NRG3: variants seen among roughly 807,000 people sequenced by gnomAD.
NRG3 encodes neuregulin 3.
A neutral mutation model predicts 66.9 loss-of-function variants in NRG3; 31 were observed. The ratio of observed to expected loss-of-function variants is 0.46; its 90% CI spans 0.35 to 0.63. The LOEUF (loss-of-function observed/expected upper bound fraction) is 0.63. Among genes scored for constraint, NRG3 ranks in the 20% least tolerant of loss-of-function variants. The probability of loss-of-function intolerance (pLI) is 0.00; values close to 1 mark genes in which losing one functional copy is unlikely to be tolerated. For synonymous variants in NRG3, 393 were observed against 359.4 expected, an observed-to-expected ratio of 1.09 and a Z score of -1.06; for missense variants, 910 against 878.9, an observed-to-expected ratio of 1.04 and a Z score of -0.45.
intron 4 of NRG3, among the ~76,000 whole-genome samples, chr10:82,920,260 A>G (rs1448178376): frequency 3.3e-5 from 5 of 152,192 alleles, no homozygotes; most frequent in Admixed American, 2.6e-4. Context: ...ACAGTTCTGA[A>G]ATCATATCAT....
chr10:82,110,881 A>G (rs966674807), intron 1 of NRG3, among the ~76,000 whole-genome samples: 6 of 152,154 alleles, frequency 3.9e-5, no homozygotes, highest in African/African-American at 1.4e-4. Flanking sequence ...TTGTTATTGA[A>G]AGCCATTAAA....
chr10:82,157,623 C>G (rs767106767), intron 1 of NRG3, among the ~76,000 whole-genome samples: 9 of 151,396 alleles, frequency 5.9e-5, no homozygotes, highest in Non-Finnish European at 1.0e-4. Context: ...TCAGGAAAGT[C>G]TGTAAGGGAG....
intron 1 of NRG3, among the ~76,000 whole-genome samples, chr10:81,987,137 G>C (rs1228016410): frequency 6.6e-6 from 1 of 151,978 alleles, no homozygotes; most frequent in African/African-American, 2.4e-5. Context: ...GCCTAGGCTG[G>C]AGTGCAGTGA....
At chr10:82,502,216 G>A (rs1179725092) in intron 2 of NRG3, among the ~76,000 whole-genome samples, 4 of 152,146 alleles carry the variant, frequency 2.6e-5, no homozygotes, top group Non-Finnish European at 4.4e-5. Flanking sequence ...AGTCTCTAGA[G>A]TGAGCTTGCC....
chr10:82,575,150 G>A (rs546036281), intron 2 of NRG3, among the ~76,000 whole-genome samples: 3 of 151,748 alleles, frequency 2.0e-5, no homozygotes, highest in South Asian at 2.1e-4. Context: ...CAATGCATAC[G>A]TATTTTACAA....
chr10:81,878,460 A>C (rs1841882749), intron 1 of NRG3, among the ~76,000 whole-genome samples: 1 of 152,212 alleles, frequency 6.6e-6, no homozygotes, highest in Non-Finnish European at 1.5e-5. Flanking sequence ...GGTGACTTGA[A>C]GAAAGAGGAT....
chr10:82,189,465 G>A (rs1314753712), intron 1 of NRG3, among the ~76,000 whole-genome samples: 1 of 151,692 alleles, frequency 6.6e-6, no homozygotes, highest in African/African-American at 2.4e-5. Context: ...AAACCAGCCT[G>A]GCCAACATGA....
At chr10:82,759,815 A>C (rs1487427330) in intron 3 of NRG3, among the ~76,000 whole-genome samples, 1 of 152,176 alleles carries the variant, frequency 6.6e-6, no homozygotes, top group Non-Finnish European at 1.5e-5. Flanking sequence ...CACTCAAAAA[A>C]TTGAAATCCA....
At chr10:82,602,438 A>G (rs2047694294) in intron 2 of NRG3, among the ~76,000 whole-genome samples, 1 of 152,028 alleles carries the variant, frequency 6.6e-6, no homozygotes, top group Non-Finnish European at 1.5e-5. Context: ...TACTTATAGT[A>G]TGAGTGGAAA....
rs1844480448 is a variant in NRG3, at chr10:82,903,995, G to A, written c.1054+38558G>A. ...ACTGTACATGTCTTGTCATCCCTTT[G>A]GCATTCAATCGTGTCACTTTACATT... On this transcript the variant is annotated intron_variant, in intron 4 of 8. Coordinates refer to ENST00000372141, the MANE Select transcript of NRG3 (RefSeq NM_001010848.4). 2.0e-5 allele frequency among the ~76,000 whole-genome samples: 3 copies of A among 151,972 alleles called. No homozygotes were observed. The South Asian group carries it at 6.2e-4, about 32-fold the overall frequency.
chr10:82,019,917 T>A (rs2061983332), intron 1 of NRG3, among the ~76,000 whole-genome samples: 1 of 152,046 alleles, frequency 6.6e-6, no homozygotes, highest in African/African-American at 2.4e-5. Context: ...TTTTGAAGGG[T>A]TTTTTGTGTC....
intron 1 of NRG3, among the ~76,000 whole-genome samples, chr10:81,989,088 A>C (rs952102678): frequency 6.6e-6 from 1 of 152,156 alleles, no homozygotes; most frequent in African/African-American, 2.4e-5. Flanking sequence ...GGACATCTGA[A>C]TATATTAGAT....
intron 2 of NRG3, among the ~76,000 whole-genome samples, chr10:82,533,239 T>C (rs1464547896): frequency 1.3e-5 from 2 of 152,148 alleles, no homozygotes; most frequent in Non-Finnish European, 2.9e-5. Context: ...TCTCCCATTC[T>C]GTAGGTTGAC....
chr10:81,981,087 A>G (rs187645779), intron 1 of NRG3, among the ~76,000 whole-genome samples: 2 of 152,302 alleles, frequency 1.3e-5, no homozygotes, highest in East Asian at 3.9e-4. Flanking sequence ...TCCTTCTCAT[A>G]TGCAAAATAC....
At chr10:82,228,403 T>C (rs2076275072) in intron 1 of NRG3, among the ~76,000 whole-genome samples, 1 of 152,164 alleles carries the variant, frequency 6.6e-6, no homozygotes, top group Admixed American at 6.5e-5. Flanking sequence ...CTAAATCACA[T>C]TGTGGTCATG....
intron 1 of NRG3, among the ~76,000 whole-genome samples, chr10:82,230,559 C>T (rs1252205153): frequency 4.0e-5 from 6 of 151,244 alleles, no homozygotes; most frequent in African/African-American, 4.9e-5. Flanking sequence ...TGAAATACTG[C>T]TCAGAATCTA....
chr10:81,943,743 G>C (rs976352060), intron 1 of NRG3, among the ~76,000 whole-genome samples: 13 of 152,226 alleles, frequency 8.5e-5, no homozygotes, highest in African/African-American at 3.1e-4. Flanking sequence ...GAGGCCAAAG[G>C]CTTCATCAGC....
intron 4 of NRG3, among the ~76,000 whole-genome samples, chr10:82,939,262 G>A (rs1444100478): frequency 6.6e-6 from 1 of 152,118 alleles, no homozygotes; most frequent in East Asian, 1.9e-4. Flanking sequence ...TGCAGGGGAA[G>A]AAAGGAAAAT....
At chr10:82,335,394 G>C (rs1056921068) in intron 1 of NRG3, among the ~76,000 whole-genome samples, 2 of 151,980 alleles carry the variant, frequency 1.3e-5, no homozygotes, top group Admixed American at 1.3e-4. Flanking sequence ...ACGAGGTAAT[G>C]TTATTTTCCT....
Sources: allele counts gnomAD v4.1 joint callset (sites outside exome capture counted in the v4.1 genomes callset), GRCh38; gene constraint gnomAD v4.1.1; transcripts MANE v1.5; gene names NCBI Gene and HGNC (gene_info 2026-07-23, HGNC 2026-07-21).